The following DLGAP1 variants were observed in gnomAD, a reference collection of about 807,000 sequenced individuals.
The protein encoded by DLGAP1 is DLG associated protein 1, also known as disks large-associated protein 1.
Under a neutral mutation model 90.8 loss-of-function variants are expected in DLGAP1, and 11 were observed. The ratio of observed to expected loss-of-function variants is 0.12; its 90% confidence interval spans 0.08 to 0.20. The LOEUF is 0.20. DLGAP1 is among the 10% of genes least tolerant of loss of function. The pLI is 1.00. For synonymous variants in DLGAP1, 558 were observed against 540.7 expected, an observed-to-expected ratio of 1.03 and a Z score of -0.44; for missense variants, 1,050 against 1,333.8, an observed-to-expected ratio of 0.79 and a Z score of 3.31.
intron 2 of DLGAP1, among the ~76,000 whole-genome samples, chr18:4,005,883 A>G (rs537480384): frequency 6.6e-6 from 1 of 152,312 alleles, no homozygotes; most frequent in South Asian, 2.1e-4. Flanking sequence ...TGTTTTTGAC[A>G]CGGATGCCTA....
chr18:4,394,430 C>T (rs1381927740), intron 1 of DLGAP1, among the ~76,000 whole-genome samples: 1 of 152,160 alleles, frequency 6.6e-6, no homozygotes. Flanking sequence ...GAACTTACTT[C>T]AAACTAAGTA....
At chr18:3,845,647 G>A in intron 4 of DLGAP1, 1 of 973,750 alleles carries the variant, frequency 1.0e-6, no homozygotes, top group Non-Finnish European at 1.2e-6. Context: ...TGATCACTTT[G>A]CAGCCCATAT....
At chr18:3,759,362 A>G (rs923957169) in intron 5 of DLGAP1, among the ~76,000 whole-genome samples, 2 of 152,208 alleles carry the variant, frequency 1.3e-5, no homozygotes, top group South Asian at 2.1e-4. Flanking sequence ...GCAAAGCCAC[A>G]TGCTAGAAGC....
intron 4 of DLGAP1, among the ~76,000 whole-genome samples, chr18:3,850,391 CAAAA>C (rs996292450): frequency 7.0e-6 from 1 of 142,666 alleles, no homozygotes; most frequent in East Asian, 2.1e-4. Context: ...GACTCCATCT[CAAAA>C]AAAAAATTAG....
intron 1 of DLGAP1, among the ~76,000 whole-genome samples, chr18:4,255,501 G>GA (rs57248045): frequency 0.01 from 1,365 of 134,988 alleles, 27 homozygotes; most frequent in African/African-American, 0.039. Context: ...ATATACAGAT[G>GA]AAAAAAAAAA....
intron 7 of DLGAP1, among the ~76,000 whole-genome samples, chr18:3,683,522 G>A (rs924269280): frequency 3.3e-5 from 5 of 152,052 alleles, no homozygotes; most frequent in African/African-American, 4.8e-5. Context: ...GATGATAGAC[G>A]ATGCATTTCA....
chr18:3,863,736 C>G (rs867684734), intron 4 of DLGAP1, among the ~76,000 whole-genome samples: 2 of 152,360 alleles, frequency 1.3e-5, no homozygotes, highest in African/African-American at 4.8e-5. Context: ...CCAGGGCCCG[C>G]TCAGCCCCAC....
intron 7 of DLGAP1, among the ~76,000 whole-genome samples, chr18:3,589,889 C>T (rs1454110322): frequency 6.6e-6 from 1 of 152,116 alleles, no homozygotes; most frequent in Non-Finnish European, 1.5e-5. Flanking sequence ...AGCAGTTGTT[C>T]AACAAGCCCT....
intron 3 of DLGAP1, among the ~76,000 whole-genome samples, chr18:3,958,405 T>C (rs1730190011): frequency 1.4e-5 from 2 of 142,600 alleles, no homozygotes; most frequent in Admixed American, 1.5e-4. Flanking sequence ...GACAGTCTCA[T>C]ATGACAGCTG....
At chr18:3,665,579 A>C (rs1426862996) in intron 7 of DLGAP1, among the ~76,000 whole-genome samples, 1 of 152,186 alleles carries the variant, frequency 6.6e-6, no homozygotes, top group African/African-American at 2.4e-5. Flanking sequence ...AAATTTAAAA[A>C]ATATTTTGTT....
chr18:3,998,732 T>C (rs1875656906), intron 3 of DLGAP1, among the ~76,000 whole-genome samples: 1 of 152,212 alleles, frequency 6.6e-6, no homozygotes, highest in Non-Finnish European at 1.5e-5. Flanking sequence ...GACATGAATA[T>C]AATTATTCAT....
At chr18:4,373,399 G>A (rs1363593182) in intron 1 of DLGAP1, among the ~76,000 whole-genome samples, 1 of 152,150 alleles carries the variant, frequency 6.6e-6, no homozygotes, top group Non-Finnish European at 1.5e-5. Context: ...AGCAAGTGAG[G>A]AAGTGGGAGG....
chr18:4,131,963 T>C (rs1377434157), intron 2 of DLGAP1, among the ~76,000 whole-genome samples: 1 of 152,202 alleles, frequency 6.6e-6, no homozygotes, highest in Non-Finnish European at 1.5e-5. Context: ...AAAATTTAAA[T>C]TATAATACAA....
intron 5 of DLGAP1, among the ~76,000 whole-genome samples, chr18:3,767,124 CA>C (rs1161981613): frequency 6.6e-6 from 1 of 152,064 alleles, no homozygotes; most frequent in African/African-American, 2.4e-5. Flanking sequence ...ATACTATGAA[CA>C]ACTGTATACT....
intron 7 of DLGAP1, 137 bp from the exon 8 acceptor site, chr18:3,582,385 G>C: frequency 7.4e-7 from 1 of 1,356,904 alleles, no homozygotes; most frequent in Non-Finnish European, 9.9e-7. Flanking sequence ...TCCATTGACA[G>C]GCTGAGACCC....
At chr18:3,956,496 C>T (rs573954828) in intron 3 of DLGAP1, among the ~76,000 whole-genome samples, 6 of 152,106 alleles carry the variant, frequency 3.9e-5, no homozygotes, top group East Asian at 1.9e-4. Flanking sequence ...CTACAGTCAC[C>T]CGCCACCATG....
At chr18:3,954,236 T>C (rs2073042818) in intron 3 of DLGAP1, among the ~76,000 whole-genome samples, 1 of 152,198 alleles carries the variant, frequency 6.6e-6, no homozygotes, top group Non-Finnish European at 1.5e-5. Context: ...CCTAAAAACA[T>C]ATTATCTTAA....
intron 3 of DLGAP1, among the ~76,000 whole-genome samples, chr18:3,903,083 C>T (rs2071819735): frequency 6.6e-6 from 1 of 152,196 alleles, no homozygotes; most frequent in Non-Finnish European, 1.5e-5. Context: ...ACTCTCTTTT[C>T]AATTGCACGC....
intron 5 of DLGAP1, among the ~76,000 whole-genome samples, chr18:3,780,092 ACT>A (rs1303254719): frequency 6.6e-6 from 1 of 151,952 alleles, no homozygotes; most frequent in Non-Finnish European, 1.5e-5. Context: ...CCGGCCTGTT[ACT>A]CTTTCATAGA....
Sources: allele counts gnomAD v4.1 joint callset (sites outside exome capture counted in the v4.1 genomes callset), GRCh38; gene constraint gnomAD v4.1.1; transcripts MANE v1.5; gene names NCBI Gene and HGNC (gene_info 2026-07-23, HGNC 2026-07-21).